The following DHX57 variants were observed in gnomAD, a reference collection of about 807,000 sequenced individuals.
The protein encoded by DHX57 is DExH-box helicase 57.
DHX57 carries 105 observed loss-of-function variants against 156.2 expected under a neutral mutation model. That is an observed-to-expected ratio of 0.67 (90% confidence interval 0.57 to 0.79). DHX57 has a LOEUF of 0.79. Among genes scored for constraint, DHX57 ranks in the 30% least tolerant of loss-of-function variants. The pLI is 0.00. For missense variants in DHX57, 1,847 were observed against 1,661.9 expected (o/e 1.11, Z -1.94); for synonymous variants, 704 against 595.6 (o/e 1.18, Z -2.65).
chr2:38,861,648 A>T lies in DHX57; in HGVS notation c.762T>A (p.Ala254=). ...ATTTTTCTCCACAGATGGACTTGAG[A>T]GCAAATGCCTCTTCCTGTCGCTGTT... ...CMEQRQEEAF[A]LKSICGEKFI... Residue 254 remains alanine (A), a synonymous_variant, in exon 5 of 24, where the codon GCT becomes GCA. Transcript: ENST00000457308. The T allele has an allele frequency of 6.2e-7, 1 of 1,614,158 alleles. No homozygotes were observed. Among genetic ancestry groups the T allele is most frequent in the Non-Finnish European group, 8.5e-7 (1 of 1,180,032 alleles).
In DHX57 at chr2:38,855,152, T is replaced by A; in HGVS notation, c.1810A>T (p.Ile604Phe). ...ANIICTQPRR[I>F]SAISVAERVA... The stretch of plus-strand genomic sequence containing the variant: ...CGTTCAGCAACAGAGATTGCAGAGA[T>A]TCGTCGGGGTTGGGTACAGATGATG... The change falls in exon 8 of 24, where the codon ATC becomes TTC. Residue 604 changes from isoleucine (I) to phenylalanine (F), a missense_variant. Ile to Phe is a conservative substitution (Grantham distance 21). Coordinates refer to ENST00000457308, the MANE Select transcript of DHX57 (RefSeq NM_198963.3). 3.1e-6 allele frequency: 5 copies of A among 1,614,100 alleles called. No individual in the cohort carries two copies. Among genetic ancestry groups the A allele is most frequent in the Non-Finnish European group, 4.2e-6 (5 of 1,180,002 alleles).
intron 17 of DHX57, among the ~76,000 whole-genome samples, chr2:38,819,440 T>C (rs551466562): frequency 1.3e-5 from 2 of 152,318 alleles, no homozygotes; most frequent in East Asian, 1.9e-4. Context: ...CCTACCAAAA[T>C]GCTGGCATTA....
intron 21 of DHX57, among the ~76,000 whole-genome samples, chr2:38,807,548 G>A (rs1292605242): frequency 4.6e-5 from 7 of 151,856 alleles, no homozygotes; most frequent in South Asian, 2.1e-4. Flanking sequence ...TAGTAGAGAC[G>A]GGGTTTCACC....
intron 13 of DHX57, 90 bp from the exon 14 acceptor site, chr2:38,828,526 A>C: frequency 1.2e-6 from 1 of 845,592 alleles, no homozygotes; most frequent in South Asian, 1.9e-5. Context: ...ATGATAAATG[A>C]AGTAAATGAA....
intron 14 of DHX57, among the ~76,000 whole-genome samples, chr2:38,827,693 C>G (rs1446316244): frequency 6.6e-6 from 1 of 151,334 alleles, no homozygotes; most frequent in Non-Finnish European, 1.5e-5. Context: ...TGAAGACACA[C>G]CCAGTGTGTC....
intron 11 of DHX57, among the ~76,000 whole-genome samples, chr2:38,844,912 G>C (rs1672188727): frequency 6.6e-6 from 1 of 152,168 alleles, no homozygotes; most frequent in African/African-American, 2.4e-5. Context: ...TGGGCCTTTA[G>C]TGTCCACAAA....
chr2:38,830,983 T>A (rs566210753), intron 13 of DHX57, among the ~76,000 whole-genome samples: 134 of 152,176 alleles, frequency 8.8e-4, no homozygotes, highest in South Asian at 7.3e-3. Flanking sequence ...GTTGTAGGAT[T>A]GCTTAAGCCA....
At position 38,858,672 on chromosome 2, in the gene DHX57, G is replaced by C. The variant is rs374731216; in HGVS notation, c.1576C>G (p.Arg526Gly). ...AENGKICKQF[R>G]MKQASRQFQS... ...TCAGCATACCCTACCTGTTTCATTC[G>C]GAACTGCTTGCAGATTTTACCATTT... The change falls in exon 6 of 24, where the codon CGA (arginine) becomes GGA (glycine). Residue 526 changes from arginine to glycine, a missense_variant. Coordinates refer to ENST00000457308, the MANE Select transcript of DHX57 (RefSeq NM_198963.3). 1.2e-6 allele frequency: 2 copies of C among 1,612,794 alleles called. No homozygotes were observed. Among genetic ancestry groups the C allele is most frequent in the African/African-American group, 1.3e-5 (1 of 74,818 alleles).
chr2:38,824,591 G>C (rs920038103), intron 16 of DHX57, among the ~76,000 whole-genome samples: 1 of 152,120 alleles, frequency 6.6e-6, no homozygotes, highest in Admixed American at 6.6e-5. Flanking sequence ...TATGAAAAAG[G>C]TTTAAACGAT....
intron 14 of DHX57, among the ~76,000 whole-genome samples, 190 bp downstream of exon 14, chr2:38,828,150 C>T (rs750324974): frequency 6.6e-6 from 1 of 152,186 alleles, no homozygotes; most frequent in Non-Finnish European, 1.5e-5. Flanking sequence ...GCCACTGAGC[C>T]TGGCCAATAT....
chr2:38,850,334 G>A (rs974937162), intron 9 of DHX57, among the ~76,000 whole-genome samples: 2 of 152,046 alleles, frequency 1.3e-5, no homozygotes, highest in African/African-American at 4.8e-5. Flanking sequence ...CCAGGCTGGA[G>A]TGCAGTGGCG....
chr2:38,828,473 T>G, intron 13 of DHX57, 37 bp from the exon 14 acceptor site: 1 of 1,471,344 alleles, frequency 6.8e-7, no homozygotes, highest in African/African-American at 1.4e-5. Context: ...TGGGTAAGCA[T>G]AGGCACAGAA....
chr2:38,807,627 G>T (rs773091935), intron 21 of DHX57, among the ~76,000 whole-genome samples: 2 of 151,728 alleles, frequency 1.3e-5, no homozygotes, highest in Non-Finnish European at 2.9e-5. Flanking sequence ...AAAATGCTGG[G>T]ATTACAGGTG....
intron 1 of DHX57, among the ~76,000 whole-genome samples, chr2:38,869,811 A>G (rs552670136): frequency 1.3e-5 from 2 of 152,364 alleles, no homozygotes; most frequent in East Asian, 3.9e-4. Context: ...GAAACACTTA[A>G]GTATAACCCA....
At chr2:38,829,004 G>A (rs115851105) in intron 13 of DHX57, among the ~76,000 whole-genome samples, 1 of 152,048 alleles carries the variant, frequency 6.6e-6, no homozygotes. Context: ...GCAGTTGCGC[G>A]ATCACGGCTC....
Position 38,863,373 on chromosome 2 carries a change from T to C in DHX57, c.371A>G (p.Asp124Gly). ...LLRDLQEQDA[D>G]AGSERGLSGE... ...TAAAACAATTTACTCAGATCCAGCA[T>C]CAGCATCTTGTTCTTGCAGGTCTCG... Residue 124 changes from aspartate (D) to glycine (G), a missense_variant, in exon 3 of 24, where the codon GAT becomes GGT. By Grantham distance (94) the Asp-to-Gly change is moderately conservative. Transcript: ENST00000457308. The C allele has an allele frequency of 1.9e-6, 3 of 1,610,842 alleles. No homozygotes were observed. Among genetic ancestry groups the C allele is most frequent in the Non-Finnish European group, 2.5e-6 (3 of 1,179,332 alleles).
intron 19 of DHX57, among the ~76,000 whole-genome samples, chr2:38,817,553 T>A (rs1322445220): frequency 6.6e-6 from 1 of 151,854 alleles, no homozygotes; most frequent in Non-Finnish European, 1.5e-5. Context: ...TGGCCTCAAG[T>A]GATCTGCCTC....
rs1671212291 is a variant in DHX57 at position 38,828,371 on chromosome 2, T to C, written c.2608A>G (p.Asn870Asp). Residue 870 changes from asparagine to aspartate, a missense_variant, in exon 14 of 24, where the codon AAT becomes GAT. By Grantham distance (23) the Asn-to-Asp change is conservative. Coordinates refer to ENST00000457308, the MANE Select transcript of DHX57 (RefSeq NM_198963.3). ...CTACGTCTGTTGTTGAAAAGAGAAT[T>C]AGACTGTAGCTGTTCATAAAGCATT... ...IKMLYEQLQS[N>D]SLFNNRRSNR... is the part of the protein sequence containing the mutation. The C allele has an allele frequency of 6.2e-7, 1 of 1,613,306 alleles. No homozygotes were observed. The highest frequency in any genetic ancestry group is 8.5e-7 in the Non-Finnish European group (1 of 1,179,730).
At chr2:38,854,338 A>G in intron 8 of DHX57, 160 bp from the exon 9 acceptor site, 1 of 598,330 alleles carries the variant, frequency 1.7e-6, no homozygotes, top group Non-Finnish European at 2.7e-6. Flanking sequence ...TGCCAGGGAC[A>G]GTAATAAAAG....
Sources: allele counts gnomAD v4.1 joint callset (sites outside exome capture counted in the v4.1 genomes callset), GRCh38; gene constraint gnomAD v4.1.1; transcripts MANE v1.5; gene names NCBI Gene and HGNC (gene_info 2026-07-23, HGNC 2026-07-21).